The following APOB variants were observed in gnomAD, a reference collection of about 807,000 sequenced individuals.
APOB encodes apolipoprotein B-100.
In APOB, 153 loss-of-function variants were observed where a neutral mutation model predicts 314.1. The ratio of observed to expected loss-of-function variants is 0.49; its 90% CI spans 0.43 to 0.56. APOB has a LOEUF of 0.56. Ranked by LOEUF, APOB falls within the 20% of genes least tolerant of loss-of-function variation. The pLI is 0.00. For synonymous variants in APOB, 2,087 were observed against 2,036.4 expected (o/e 1.02, Z -0.67); for missense variants, 5,430 against 5,350.7 (o/e 1.01, Z -0.46).
Position 21,033,194 on chromosome 2 carries a change from G to T in APOB, c.1124+105C>A, listed in dbSNP as rs540340913. ...AACTGATTGACTAATTGATTAACTG[G>T]ATTGATATCCAAATGGTCCCTGAGA... On this transcript the variant is annotated intron_variant, in intron 9 of 28. Coordinates refer to ENST00000233242, the MANE Select transcript of APOB (RefSeq NM_000384.3). 1.4e-3 allele frequency: 1,197 copies of T among 839,836 alleles called. 16 individuals are homozygous for T. Among genetic ancestry groups the T allele is most frequent in the South Asian group, 0.011 (802 of 69,986 alleles). The allele number at this position is 839,836 out of a possible 1,614,324, so 52.0% of individuals were successfully genotyped here.
chr2:21,042,782 A>G (rs1028189336), intron 2 of APOB, among the ~76,000 whole-genome samples: 8 of 152,042 alleles, frequency 5.3e-5, no homozygotes, highest in Non-Finnish European at 8.8e-5. Flanking sequence ...TGGCAAATTA[A>G]GAGATGACAA....
chr2:21,032,128 T>G (rs1482248037), intron 10 of APOB, among the ~76,000 whole-genome samples: 2 of 152,230 alleles, frequency 1.3e-5, no homozygotes, highest in Non-Finnish European at 2.9e-5. Context: ...TTTGCTATGT[T>G]CAAAAACTTT....
In APOB at chr2:21,005,183, A is replaced by T; in HGVS notation, c.11685T>A (p.Asn3895Lys). Residue 3895 changes from asparagine to lysine, a missense_variant, in exon 26 of 29, where the codon AAT becomes AAA. Asn to Lys is a moderately conservative substitution (Grantham distance 94). Transcript: ENST00000233242. ...TTTTCAAACTGGCACTCCAAGTGGC[A>T]TTATACACGGGAGAGTCTACCTCAA... ...ARFEVDSPVY[N>K]ATWSASLKNK... 1 of 1,614,102 alleles carries T rather than the reference A, an allele frequency of 6.2e-7. No homozygotes were observed. The highest frequency in any genetic ancestry group is 8.5e-7 in the Non-Finnish European group (1 of 1,179,958).
At position 21,037,231 on chromosome 2, in the gene APOB, T is replaced by C; in HGVS notation, c.562A>G (p.Thr188Ala). Residue 188 changes from threonine to alanine, a missense_variant, in exon 6 of 29, where the codon ACT becomes GCT. By Grantham distance (58) the Thr-to-Ala change is moderately conservative. This residue lies in a region of APOB where 2,085 missense variants were observed against 2,079.7 expected (regional missense o/e 1.00). Coordinates refer to ENST00000233242, the MANE Select transcript of APOB (RefSeq NM_000384.3). ...TTCCTCGTCTTGACGGTAAAGTGAG[T>C]GGAGCAGTTTCCATACACGGTATCC... ...FLDTVYGNCS[T>A]HFTVKTRKGN... is the part of the protein sequence containing the mutation. The C allele has an allele frequency of 1.2e-6, 2 of 1,613,952 alleles. No homozygotes were observed. The highest frequency in any genetic ancestry group is 1.7e-6 in the Non-Finnish European group (2 of 1,179,992).
rs755753053 is a variant in APOB at position 21,007,065 on chromosome 2, G to T, written c.9803C>A (p.Ser3268Ter). ...VEVSPFTIEM[S>*]AFGYVFPKAV... ...TTTTGGGAACACATAGCCGAATGCC[G>T]ACATCTCTATGGTGAATGGAGACAC... Residue 3268 changes from serine to a stop codon, truncating the protein, a stop_gained, in exon 26 of 29, where the codon TCG becomes TAG. Transcript: ENST00000233242. LOFTEE classifies it high-confidence loss of function. The T allele has an allele frequency of 6.2e-7, 1 of 1,613,974 alleles. No homozygotes were observed. The highest frequency in any genetic ancestry group is 1.7e-5 in the Admixed American group (1 of 59,970).
rs1663269401 is a variant in APOB, at chr2:21,010,251, A to G, written c.6617T>C (p.Ile2206Thr). ...IAIANIIDEIIEKLKSLDEHY... is the reference protein window; with the variant it reads ...IAIANIIDEITEKLKSLDEHY... Reference sequence around the variant, plus strand: ...CTCATCAAGACTTTTTAATTTTTCAATGATTTCATCAATAATATTAGCAAT... The same window carrying G: ...CTCATCAAGACTTTTTAATTTTTCAGTGATTTCATCAATAATATTAGCAAT... The change falls in exon 26 of 29, where the codon ATT (isoleucine) becomes ACT (threonine). Residue 2206 changes from isoleucine (I) to threonine (T), a missense_variant. Transcript: ENST00000233242. 1 of 1,557,918 alleles carries G rather than the reference A, an allele frequency of 6.4e-7. No homozygotes were observed. The highest frequency in any genetic ancestry group is 8.7e-7 in the Non-Finnish European group (1 of 1,154,024).
intron 5 of APOB, 108 bp downstream of exon 5, chr2:21,037,850 C>T (rs1424592682): frequency 1.0e-5 from 14 of 1,389,224 alleles, no homozygotes; most frequent in Non-Finnish European, 1.4e-5. Flanking sequence ...TCCTATGTAA[C>T]TAGTCATGGA....
At chr2:21,034,762 G>T in intron 8 of APOB, 54 bp downstream of exon 8, 1 of 1,008,864 alleles carries the variant, frequency 9.9e-7, no homozygotes, top group South Asian at 1.3e-5. Flanking sequence ...GCTAAGCCAT[G>T]ATAGGCACAT....
chr2:21,037,329 G>C (rs1664029926), intron 5 of APOB, 74 bp from the exon 6 acceptor site: 2 of 1,449,432 alleles, frequency 1.4e-6, no homozygotes, highest in East Asian at 2.3e-5. Context: ...GGGATGGGGT[G>C]GGGATCGTGA....
At position 21,009,034 on chromosome 2, in the gene APOB, A is replaced by G; in HGVS notation, c.7834T>C (p.Phe2612Leu). The change falls in exon 26 of 29, where the codon TTC (phenylalanine) becomes CTC (leucine). Residue 2612 changes from phenylalanine to leucine, a missense_variant. Phe to Leu is a conservative substitution (Grantham distance 22, BLOSUM62 0). This residue lies in a region of APOB where 3,281 missense variants were observed against 3,171.0 expected (regional missense o/e 1.03). Transcript: ENST00000233242. ...GGGACTATAAAATCAGGTGTCTGGA[A>G]GGTAGCTTTCTGAAGAGCCTGAAGA... Reference protein sequence around the residue: ...VSLQALQKATFQTPDFIVPLT... With the variant: ...VSLQALQKATLQTPDFIVPLT... 6.2e-7 allele frequency: 1 copy of G among 1,614,136 alleles called. No homozygotes were observed. Among genetic ancestry groups the G allele is most frequent in the South Asian group, 1.1e-5 (1 of 91,088 alleles).
chr2:21,018,833 T>G (rs886172394), intron 20 of APOB, among the ~76,000 whole-genome samples, 159 bp downstream of exon 20: 1 of 152,140 alleles, frequency 6.6e-6, no homozygotes, highest in African/African-American at 2.4e-5. Flanking sequence ...CTGCCGCTTA[T>G]TGGGTACTCA....
At chr2:21,043,223 T>C (rs916814550) in intron 2 of APOB, among the ~76,000 whole-genome samples, 1 of 152,100 alleles carries the variant, frequency 6.6e-6, no homozygotes, top group African/African-American at 2.4e-5. Context: ...TAGTCACTGA[T>C]AAACAGGACA....
intron 20 of APOB, among the ~76,000 whole-genome samples, chr2:21,016,851 G>A (rs1352050519): frequency 6.6e-6 from 1 of 151,982 alleles, no homozygotes; most frequent in East Asian, 1.9e-4. Context: ...GGGCGCGTTG[G>A]TGGGTGCCTG....
Position 21,037,187 on chromosome 2 carries a change from T to A in APOB, c.606A>T (p.Glu202Asp), listed in dbSNP as rs61746672. ...GCCCCAGGTCTCTTTCAGTGGATAT[T>A]TCTGTTGCCACATTGCCCTTCCTCG... ...VKTRKGNVAT[E>D]ISTERDLGQC... Residue 202 changes from glutamate to aspartate, a missense_variant, in exon 6 of 29, where the codon GAA (glutamate) becomes GAT (aspartate). Physicochemically the swap from Glu to Asp is conservative, Grantham distance 45. This residue lies in a region of APOB where 2,085 missense variants were observed against 2,079.7 expected (regional missense o/e 1.00). Transcript: ENST00000233242. 7.4e-4 allele frequency: 1,198 copies of A among 1,614,204 alleles called. 9 individuals carry two copies. The African/African-American group carries it at 0.013, about 18-fold the overall frequency.
Position 21,009,824 on chromosome 2 carries a change from A to G in APOB, c.7044T>C (p.Tyr2348=). The G allele has an allele frequency of 6.2e-7, 1 of 1,614,010 alleles. No homozygotes were observed. Among genetic ancestry groups the G allele is most frequent in the African/African-American group, 1.3e-5 (1 of 75,026 alleles). Residue 2348 remains tyrosine, a synonymous_variant, in exon 26 of 29, where the codon TAT becomes TAC. Coordinates refer to ENST00000233242, the MANE Select transcript of APOB (RefSeq NM_000384.3). The part of the protein sequence containing the change: ...RAKVHELIER[Y]EVDQQIQVLM... ...AAACCTGGATTTGTTGGTCTACTTC[A>G]TACCTCTCGATTAACTCATGGACTT...
At chr2:21,043,685 C>A in intron 1 of APOB, 134 bp from the exon 2 acceptor site, 1 of 1,497,442 alleles carries the variant, frequency 6.7e-7, no homozygotes, top group South Asian at 1.2e-5. Context: ...CTCCTCAGCC[C>A]CTCCATCCCG....
At chr2:21,017,497 G>T (rs1034734135) in intron 20 of APOB, among the ~76,000 whole-genome samples, 31 of 152,294 alleles carry the variant, frequency 2.0e-4, no homozygotes, top group Non-Finnish European at 4.1e-4. Context: ...ATGAAAAGAG[G>T]TTGGAGCCAC....
chr2:21,024,258 AT>A (rs1663681282), intron 16 of APOB: 1 of 152,456 alleles, frequency 6.6e-6, no homozygotes, highest in African/African-American at 2.4e-5. Context: ...ATTATAGCAT[AT>A]TTAGATAGTG....
Position 21,006,541 on chromosome 2 carries a change from C to T in APOB, c.10327G>A (p.Glu3443Lys). 1 of 1,614,068 alleles carries T rather than the reference C, an allele frequency of 6.2e-7. No homozygotes were observed. The highest frequency in any genetic ancestry group is 8.5e-7 in the Non-Finnish European group (1 of 1,179,962). The stretch of plus-strand genomic sequence containing the variant: ...TTTGACTTGGTATTTCCATTAAGTT[C>T]TTGCTTGAAATTCATTCTCAAAATT... ...IPILRMNFKQ[E>K]LNGNTKSKPT... Residue 3443 changes from glutamate to lysine, a missense_variant, in exon 26 of 29, where the codon GAA (glutamate) becomes AAA (lysine). Around this residue, in one of 3 missense-constraint regions of APOB, gnomAD observed 3,281 missense variants for 3,171.0 expected, o/e 1.03. Coordinates refer to ENST00000233242, the MANE Select transcript of APOB (RefSeq NM_000384.3).
Sources: allele counts gnomAD v4.1 joint callset (sites outside exome capture counted in the v4.1 genomes callset), GRCh38; gene constraint gnomAD v4.1.1; regional missense constraint gnomAD v4.1.1; transcripts MANE v1.5; gene names NCBI Gene and HGNC (gene_info 2026-07-23, HGNC 2026-07-21).